Variants in UST observed in about 807,000 individuals in gnomAD.
UST encodes the protein uronyl 2-sulfotransferase.
Under a neutral mutation model 45.6 loss-of-function variants are expected in UST, and 21 were observed. The observed-to-expected ratio is 0.46, with a 90% CI of 0.33 to 0.66. The LOEUF (loss-of-function observed/expected upper bound fraction) is 0.66. UST is among the 30% of genes least tolerant of loss of function. UST has a pLI of 0.02. For missense variants in UST, 463 were observed against 512.4 expected (o/e 0.90, Z 0.93); for synonymous variants, 215 against 200.6 (o/e 1.07, Z -0.61).
intron 5 of UST, among the ~76,000 whole-genome samples, chr6:148,988,881 A>T (rs772174984): frequency 6.6e-6 from 1 of 151,944 alleles, no homozygotes; most frequent in Non-Finnish European, 1.5e-5. Context: ...CTGTTAATTC[A>T]CTGATCCACT....
At chr6:148,988,971 G>C (rs538015342) in intron 5 of UST, among the ~76,000 whole-genome samples, 49 of 152,242 alleles carry the variant, frequency 3.2e-4, no homozygotes, top group African/African-American at 1.2e-3. Flanking sequence ...CCCAAGCAGT[G>C]AGCTTTACAG....
chr6:148,866,784 C>T (rs1214657491), intron 1 of UST, among the ~76,000 whole-genome samples: 1 of 152,058 alleles, frequency 6.6e-6, no homozygotes, highest in Non-Finnish European at 1.5e-5. Flanking sequence ...GCTTCAATGC[C>T]TCTTTGTACT....
intron 1 of UST, among the ~76,000 whole-genome samples, chr6:148,808,252 A>G (rs887581067): frequency 2.6e-5 from 4 of 152,228 alleles, no homozygotes; most frequent in Admixed American, 1.3e-4. Flanking sequence ...CGCTTTTCTT[A>G]CCCAGTCACT....
At chr6:148,885,043 A>G (rs1778888359) in intron 1 of UST, among the ~76,000 whole-genome samples, 1 of 152,118 alleles carries the variant, frequency 6.6e-6, no homozygotes, top group Non-Finnish European at 1.5e-5. Flanking sequence ...GAAGTGTGAG[A>G]TGCCTTTAGA....
intron 2 of UST, among the ~76,000 whole-genome samples, chr6:148,888,218 C>T (rs578137191): frequency 1.3e-5 from 2 of 152,130 alleles, no homozygotes; most frequent in Non-Finnish European, 2.9e-5. Context: ...GGAGGTACCA[C>T]ACACTTTTAA....
At chr6:149,033,592 G>T (rs529425995) in intron 7 of UST, among the ~76,000 whole-genome samples, 1 of 152,074 alleles carries the variant, frequency 6.6e-6, no homozygotes, top group African/African-American at 2.4e-5. Context: ...ACCTACAAAC[G>T]CATAGAAAAA....
intron 1 of UST, among the ~76,000 whole-genome samples, chr6:148,885,696 A>G: frequency 6.6e-6 from 1 of 152,206 alleles, no homozygotes; most frequent in South Asian, 2.1e-4. Context: ...TCAGTATGGA[A>G]AAACCTATAA....
At chr6:148,757,946 C>T (rs1776127678) in intron 1 of UST, among the ~76,000 whole-genome samples, 1 of 152,218 alleles carries the variant, frequency 6.6e-6, no homozygotes, top group African/African-American at 2.4e-5. Flanking sequence ...TTCTCTGAAC[C>T]TCTGATGTTT....
intron 1 of UST, among the ~76,000 whole-genome samples, chr6:148,770,421 G>A (rs1449482144): frequency 6.6e-6 from 1 of 151,564 alleles, no homozygotes; most frequent in Non-Finnish European, 1.5e-5. Context: ...GCAGTACAGA[G>A]TGGCTGGCCA....
chr6:149,029,118 A>C (rs1308948667), intron 7 of UST, among the ~76,000 whole-genome samples: 1 of 152,006 alleles, frequency 6.6e-6, no homozygotes, highest in Non-Finnish European at 1.5e-5. Context: ...CAGATGTACA[A>C]TTATGTCCAA....
intron 5 of UST, among the ~76,000 whole-genome samples, chr6:148,976,087 AAG>A (rs1253660121): frequency 2.0e-5 from 3 of 152,260 alleles, no homozygotes; most frequent in Non-Finnish European, 4.4e-5. Context: ...CAGTAAAAAA[AAG>A]ACTAATTCCC....
intron 1 of UST, among the ~76,000 whole-genome samples, chr6:148,805,918 C>T (rs1352658154): frequency 2.6e-5 from 4 of 152,130 alleles, no homozygotes; most frequent in African/African-American, 9.7e-5. Flanking sequence ...CAGAATTCTA[C>T]CTTAGGTGCT....
rs549462965 is a variant in UST at position 148,854,855 on chromosome 6, T to C, written c.248-32131T>C. On this transcript the variant is annotated intron_variant, in intron 1 of 7. Transcript: ENST00000367463. ...TTGTAGTGGATATTAATTATTCCGA[T>C]GTTAATTATTCGCTAGGGGTCTGTG... Among the ~76,000 whole-genome samples the C allele has an allele frequency of 6.6e-5, 10 of 152,342 alleles. No homozygotes were observed. The Middle Eastern group carries it at 0.02, about 311-fold the overall frequency.
intron 2 of UST, among the ~76,000 whole-genome samples, chr6:148,894,858 G>A (rs1582882729): frequency 9.2e-6 from 1 of 108,480 alleles, no homozygotes; most frequent in African/African-American, 3.6e-5. Context: ...TCGCTCTATT[G>A]CCAGGCTGGA....
At chr6:149,069,622 T>G (rs1776789390) in intron 7 of UST, among the ~76,000 whole-genome samples, 1 of 152,174 alleles carries the variant, frequency 6.6e-6, no homozygotes, top group Admixed American at 6.5e-5. Flanking sequence ...AACTCCCCCA[T>G]CCTAACCATA....
chr6:148,866,138 CAA>C (rs1778426070), intron 1 of UST, among the ~76,000 whole-genome samples: 1 of 138,480 alleles, frequency 7.2e-6, no homozygotes, highest in Non-Finnish European at 1.6e-5. Context: ...ATTTTATAAT[CAA>C]TATTTAGTGA....
chr6:148,939,699 C>T lies in UST; in HGVS notation c.292-1580C>T, dbSNP rs1421896877. On this transcript the variant is annotated intron_variant, in intron 2 of 7. Coordinates refer to ENST00000367463, the MANE Select transcript of UST (RefSeq NM_005715.3). ...AATGAAGTTAGACAACTAACTCACACCACACACAAAAGTAACTTAAAATGG... is the reference window on the plus strand; with the variant it reads ...AATGAAGTTAGACAACTAACTCACATCACACACAAAAGTAACTTAAAATGG... 2.0e-5 allele frequency among the ~76,000 whole-genome samples: 3 copies of T among 152,224 alleles called. 1 individual carries two copies. The highest frequency in any genetic ancestry group is 2.0e-4 in the Admixed American group (3 of 15,302).
At chr6:148,759,165 T>C (rs11751562) in intron 1 of UST, among the ~76,000 whole-genome samples, 58,091 of 152,014 alleles carry the variant, frequency 0.38, 11,219 homozygotes, top group South Asian at 0.43. Context: ...AGTGTTTCCA[T>C]AGGGTCTTGA....
intron 1 of UST, among the ~76,000 whole-genome samples, chr6:148,876,163 A>G (rs1778647104): frequency 1.3e-5 from 2 of 152,106 alleles, no homozygotes; most frequent in African/African-American, 4.8e-5. Context: ...AAGGGAGAGC[A>G]GGGGTCTCAC....
Sources: gnomAD v4.1 joint callset for allele counts (sites outside exome capture counted in the v4.1 genomes callset) on GRCh38, gnomAD v4.1.1 for gene constraint, MANE v1.5 for transcripts, NCBI Gene and HGNC (gene_info 2026-07-23, HGNC 2026-07-21) for gene names.